The following GNG12 variants were observed in gnomAD, a reference collection of about 807,000 sequenced individuals.
GNG12 encodes G protein subunit gamma 12, also known as guanine nucleotide-binding protein G(I)/G(S)/G(O) subunit gamma-12.
For synonymous variants in GNG12, 28 were observed against 29.7 expected (o/e 0.94, Z 0.19); for missense variants, 69 against 83.8 (o/e 0.82, Z 0.69).
At chr1:67,733,145 C>T (rs780807640) in intron 2 of GNG12, among the ~76,000 whole-genome samples, 11 of 152,196 alleles carry the variant, frequency 7.2e-5, no homozygotes, top group Non-Finnish European at 1.6e-4. Context: ...GAGTTTCCTT[C>T]CCTCTTACTG....
At chr1:67,738,554 A>G (rs1273267821) in intron 2 of GNG12, among the ~76,000 whole-genome samples, 1 of 152,062 alleles carries the variant, frequency 6.6e-6, no homozygotes, top group Non-Finnish European at 1.5e-5. Flanking sequence ...TGACCTCTCA[A>G]CATTCCACTT....
At chr1:67,800,799 C>T (rs555548380) in intron 1 of GNG12, among the ~76,000 whole-genome samples, 1 of 152,022 alleles carries the variant, frequency 6.6e-6, no homozygotes, top group African/African-American at 2.4e-5. Context: ...ACAATGAAAA[C>T]GTCAAATAAT....
In GNG12 at chr1:67,705,397, G is replaced by C; in HGVS notation, c.*54C>G. 6.3e-7 allele frequency: 1 copy of C among 1,599,620 alleles called. No homozygotes were observed. The highest frequency in any genetic ancestry group is 8.5e-7 in the Non-Finnish European group (1 of 1,173,938). Reference sequence around the variant, plus strand: ...AGCTGAAGGTAAATCTCTTCAAGGAGCTGCTCATAATTTGCGTTGTTGGGA... The same window carrying C: ...AGCTGAAGGTAAATCTCTTCAAGGACCTGCTCATAATTTGCGTTGTTGGGA... On this transcript the variant is annotated 3_prime_UTR_variant, in exon 4 of 4. Transcript: ENST00000370982.
At chr1:67,764,031 ATTC>A (rs1646621790) in intron 2 of GNG12, among the ~76,000 whole-genome samples, 1 of 152,136 alleles carries the variant, frequency 6.6e-6, no homozygotes. Flanking sequence ...CTCTGAATAT[ATTC>A]CTTTGTTTGT....
chr1:67,828,571 T>A (rs1385081105), intron 1 of GNG12, among the ~76,000 whole-genome samples: 1 of 152,212 alleles, frequency 6.6e-6, no homozygotes, highest in East Asian at 1.9e-4. Context: ...GGATATATAA[T>A]ATATACAATT....
intron 1 of GNG12, among the ~76,000 whole-genome samples, chr1:67,816,190 C>T (rs910519240): frequency 3.3e-5 from 5 of 152,088 alleles, no homozygotes; most frequent in African/African-American, 1.2e-4. Context: ...ACATTTTGAG[C>T]TTTCCTCAAG....
intron 2 of GNG12, among the ~76,000 whole-genome samples, chr1:67,740,457 T>C (rs747475687): frequency 6.6e-6 from 1 of 152,262 alleles, no homozygotes; most frequent in Non-Finnish European, 1.5e-5. Flanking sequence ...CTTTTGCCCT[T>C]CAATGGCAGA....
intron 2 of GNG12, among the ~76,000 whole-genome samples, chr1:67,746,558 T>C (rs1171061509): frequency 2.0e-5 from 3 of 152,202 alleles, no homozygotes; most frequent in Admixed American, 2.0e-4. Flanking sequence ...ACACCAGCTC[T>C]TCACCAAGGG....
At chr1:67,752,981 T>A (rs900428302) in intron 2 of GNG12, among the ~76,000 whole-genome samples, 1 of 152,182 alleles carries the variant, frequency 6.6e-6, no homozygotes, top group Non-Finnish European at 1.5e-5. Flanking sequence ...TACGCTGAAT[T>A]ATTGGCCTCC....
At chr1:67,778,791 C>G (rs961358818) in intron 1 of GNG12, among the ~76,000 whole-genome samples, 1 of 152,138 alleles carries the variant, frequency 6.6e-6, no homozygotes, top group African/African-American at 2.4e-5. Flanking sequence ...TAAATTTGAA[C>G]AGCTCAAAAT....
Position 67,787,036 on chromosome 1 carries a change from A to AGTGTGTGTGTGT in GNG12, c.-76-9541_-76-9530dup, listed in dbSNP as rs56084524. Among the ~76,000 whole-genome samples the AGTGTGTGTGTGT allele has an allele frequency of 7.3e-3, 964 of 131,410 alleles. 10 individuals are homozygous for AGTGTGTGTGTGT. Among genetic ancestry groups the AGTGTGTGTGTGT allele is most frequent in the East Asian group, 0.03 (133 of 4,454 alleles). 86.2% of individuals were successfully genotyped at this position (131,410 alleles called of 152,430 possible). On this transcript the variant is annotated intron_variant, in intron 1 of 3. Transcript: ENST00000370982. ...GTGTGTGTATATATGTATGTGTATA[A>AGTGTGTGTGTGT]GTGTGTGTGTGTGTGTGTGTGTGTG...
intron 2 of GNG12, among the ~76,000 whole-genome samples, chr1:67,771,975 G>A (rs1646677572): frequency 6.6e-6 from 1 of 152,162 alleles, no homozygotes; most frequent in Non-Finnish European, 1.5e-5. Flanking sequence ...AAGGAGCTAT[G>A]CTTATCATGG....
chr1:67,733,402 C>T (rs1646432361), intron 2 of GNG12, among the ~76,000 whole-genome samples: 1 of 152,168 alleles, frequency 6.6e-6, no homozygotes, highest in African/African-American at 2.4e-5. Context: ...TCCATATCCT[C>T]TTCTGGCCTT....
At chr1:67,832,658 C>T (rs548849038) in intron 1 of GNG12, among the ~76,000 whole-genome samples, 1 of 152,188 alleles carries the variant, frequency 6.6e-6, no homozygotes, top group Admixed American at 6.5e-5. Context: ...CCCCTTACCA[C>T]TTGCAAATAC....
At chr1:67,820,200 C>T (rs1160567914) in intron 1 of GNG12, among the ~76,000 whole-genome samples, 2 of 152,010 alleles carry the variant, frequency 1.3e-5, no homozygotes, top group South Asian at 4.2e-4. Flanking sequence ...ACCAGCCTGA[C>T]CAATATGGTG....
chr1:67,738,164 T>C (rs1420229140), intron 2 of GNG12, among the ~76,000 whole-genome samples: 1 of 152,194 alleles, frequency 6.6e-6, no homozygotes, highest in Admixed American at 6.5e-5. Context: ...CTTGAACTCC[T>C]GGGCCCACCT....
At chr1:67,794,056 A>G (rs896271358) in intron 1 of GNG12, among the ~76,000 whole-genome samples, 1 of 152,228 alleles carries the variant, frequency 6.6e-6, no homozygotes, top group Non-Finnish European at 1.5e-5. Context: ...ACAGAATCTT[A>G]AGGCACCAAA....
chr1:67,816,004 G>C (rs903689487), intron 1 of GNG12, among the ~76,000 whole-genome samples: 1 of 152,122 alleles, frequency 6.6e-6, no homozygotes, highest in Non-Finnish European at 1.5e-5. Flanking sequence ...GGGTGCGGCC[G>C]GGGCTCCATG....
At chr1:67,797,479 CA>C (rs1646838517) in intron 1 of GNG12, among the ~76,000 whole-genome samples, 1 of 152,140 alleles carries the variant, frequency 6.6e-6, no homozygotes, top group Non-Finnish European at 1.5e-5. Flanking sequence ...TCAGGCAGCA[CA>C]AAACCATAAA....
Sources: allele counts gnomAD v4.1 joint callset (sites outside exome capture counted in the v4.1 genomes callset), GRCh38; gene constraint gnomAD v4.1.1; transcripts MANE v1.5; gene names NCBI Gene and HGNC (gene_info 2026-07-23, HGNC 2026-07-21).